Variants in EEA1 observed in about 807,000 individuals in gnomAD.
The protein encoded by EEA1 is early endosome antigen 1, also known as early endosome antigen 1, 162kD.
Under a neutral mutation model 209.2 loss-of-function variants are expected in EEA1, and 111 were observed. The ratio of observed to expected loss-of-function variants is 0.53; its 90% CI spans 0.45 to 0.62. EEA1 has a LOEUF of 0.62. Among genes scored for constraint, EEA1 ranks in the 20% least tolerant of loss-of-function variants. The pLI is 0.00. For synonymous variants in EEA1, 536 were observed against 540.6 expected, an observed-to-expected ratio of 0.99 and a Z score of 0.12; for missense variants, 1,343 against 1,530.8, an observed-to-expected ratio of 0.88 and a Z score of 2.05.
rs146628203 is a variant in EEA1, at chr12:92,811,420, A to G, written c.2058T>C (p.Ile686=). Residue 686 remains isoleucine, a synonymous_variant, in exon 17 of 29, where the codon ATT becomes ATC. Coordinates refer to ENST00000322349, the MANE Select transcript of EEA1 (RefSeq NM_003566.4). ...LQDKQQELNK[I]TTQLDQVTAK... ...CAGTGACCTGATCCAACTGAGTAGT[A>G]ATCTTATTTAACTCCTTTAGAAAAG... 2.7e-5 allele frequency: 42 copies of G among 1,568,434 alleles called. No individual in the cohort carries two copies. In the African/African-American group the frequency reaches 5.2e-4, roughly 20 times the overall value.
chr12:92,893,161 T>G (rs1200207704), intron 1 of EEA1, among the ~76,000 whole-genome samples: 1 of 152,258 alleles, frequency 6.6e-6, no homozygotes, highest in Non-Finnish European at 1.5e-5. Flanking sequence ...ATCTAGGTGT[T>G]ACTTTTATAT....
At chr12:92,822,923 C>T (rs1173969762) in intron 13 of EEA1, among the ~76,000 whole-genome samples, 1 of 152,164 alleles carries the variant, frequency 6.6e-6, no homozygotes, top group Non-Finnish European at 1.5e-5. Context: ...CAGCTGATGA[C>T]ACCTCCACTT....
chr12:92,929,232 A>T lies in EEA1; in HGVS notation c.-166T>A. 2 of 446,616 alleles carry T rather than the reference A, an allele frequency of 4.5e-6. No homozygotes were observed. Among genetic ancestry groups the T allele is most frequent in the East Asian group, 5.2e-5 (1 of 19,410 alleles). The allele number at this position is 446,616 out of a possible 1,614,324, so 27.7% of individuals were successfully genotyped here. ...GCTCGGGCGGCCCCGACTTCCCCAC[A>T]GGCGGCGAGAGGGAGCACGCGAGAG... On this transcript the variant is annotated 5_prime_UTR_variant, in exon 1 of 29. Coordinates refer to ENST00000322349, the MANE Select transcript of EEA1 (RefSeq NM_003566.4).
chr12:92,918,452 C>T (rs1205145017), intron 1 of EEA1, among the ~76,000 whole-genome samples: 113 of 114,320 alleles, frequency 9.9e-4, no homozygotes, highest in African/African-American at 3.7e-3. Flanking sequence ...CACTCAAAGC[C>T]GCTCAACTAC....
chr12:92,817,263 G>A (rs1458606812), intron 14 of EEA1, among the ~76,000 whole-genome samples: 1 of 145,714 alleles, frequency 6.9e-6, no homozygotes, highest in Non-Finnish European at 1.5e-5. Flanking sequence ...TACGTTCACT[G>A]ATATTGCTTT....
chr12:92,927,112 C>T (rs1347377394), intron 1 of EEA1, among the ~76,000 whole-genome samples: 1 of 152,120 alleles, frequency 6.6e-6, no homozygotes, highest in Admixed American at 6.5e-5. Context: ...GCATTTAACA[C>T]AGTGATTCTC....
chr12:92,899,114 ATC>A (rs1258958151), intron 1 of EEA1, among the ~76,000 whole-genome samples: 2 of 121,504 alleles, frequency 1.6e-5, no homozygotes, highest in African/African-American at 6.5e-5. Context: ...TGCAAAATGA[ATC>A]TCTGGCCAAA....
At chr12:92,785,492 G>A (rs1293893445) in intron 22 of EEA1, among the ~76,000 whole-genome samples, 1 of 152,036 alleles carries the variant, frequency 6.6e-6, no homozygotes, top group African/African-American at 2.4e-5. Context: ...AATAATAACT[G>A]ATAGCCATCT....
At position 92,775,548 on chromosome 12, in the gene EEA1, A is replaced by G. The variant is rs1034350854; in HGVS notation, c.*463T>C. 6.6e-6 allele frequency: 1 copy of G among 152,338 alleles called. No homozygotes were observed. The highest frequency in any genetic ancestry group is 1.5e-5 in the Non-Finnish European group (1 of 67,830). 9.4% of individuals were successfully genotyped at this position (152,338 alleles called of 1,614,324 possible). A position where few individuals can be genotyped will look rare whatever the true frequency, so the allele number is the denominator to read the frequency against. ...GGAAAGTGTTACAGTTCTGTGCATA[A>G]CTTCACAAAGAGAATATTTAATATA... On this transcript the variant is annotated 3_prime_UTR_variant, in exon 29 of 29. Transcript: ENST00000322349.
intron 1 of EEA1, among the ~76,000 whole-genome samples, chr12:92,892,292 A>G (rs187860283): frequency 8.4e-4 from 128 of 152,186 alleles, no homozygotes; most frequent in African/African-American, 2.8e-3. Context: ...AAGTTTCACC[A>G]TGTTGCCCAA....
Position 92,801,606 on chromosome 12 carries a change from C to T in EEA1, c.2766G>A (p.Glu922=). ...TACAAAAAAAAAATCTTACCTCCTT[C>T]TCTTTTTCAAGTGACTTTTTCAGTT... is the stretch of plus-strand genomic sequence containing the variant. The part of the protein sequence containing the change: ...QKELKKSLEK[E]KEASHQLKLE... Residue 922 remains glutamate (E), a synonymous_variant, in exon 20 of 29, where the codon GAG becomes GAA. Transcript: ENST00000322349. The T allele has an allele frequency of 1.0e-5, 16 of 1,580,846 alleles. No homozygotes were observed. The highest frequency in any genetic ancestry group is 1.4e-5 in the Non-Finnish European group (16 of 1,168,138).
intron 2 of EEA1, 107 bp downstream of exon 2, chr12:92,891,522 G>A: frequency 2.3e-6 from 2 of 854,168 alleles, no homozygotes; most frequent in Non-Finnish European, 1.8e-6. Context: ...ACTTTTACAA[G>A]AAAAACTTGT....
chr12:92,859,115 G>C (rs10859385), intron 3 of EEA1: 413,119 of 1,055,436 alleles, frequency 0.39, 91,789 homozygotes, highest in East Asian at 0.92. Flanking sequence ...AAGAGTGAGA[G>C]GGAGCTACTA....
At chr12:92,826,675 A>T in intron 12 of EEA1, among the ~76,000 whole-genome samples, 1 of 149,986 alleles carries the variant, frequency 6.7e-6, no homozygotes, top group Middle Eastern at 3.5e-3. Flanking sequence ...AGATTGCGCC[A>T]CTGCACTCCA....
At chr12:92,903,081 C>A (rs539912388) in intron 1 of EEA1, among the ~76,000 whole-genome samples, 48 of 151,404 alleles carry the variant, frequency 3.2e-4, no homozygotes, top group African/African-American at 1.2e-3. Context: ...GTTACAGGCA[C>A]CCGCCACCAC....
intron 3 of EEA1, 152 bp downstream of exon 3, chr12:92,864,708 A>G (rs1399457419): frequency 8.9e-6 from 6 of 671,162 alleles, no homozygotes; most frequent in Non-Finnish European, 1.3e-5. Context: ...ATAGTTTTTA[A>G]CAATAGTGGA....
intron 2 of EEA1, among the ~76,000 whole-genome samples, chr12:92,886,391 G>A (rs1347113422): frequency 9.9e-6 from 1 of 101,266 alleles, no homozygotes; most frequent in African/African-American, 4.0e-5. Context: ...GCGAGGAGAG[G>A]GGAGGGGAGG....
At chr12:92,869,752 C>CAAAAAAAAAAAA (rs71069185) in intron 2 of EEA1, among the ~76,000 whole-genome samples, 2 of 26,792 alleles carry the variant, frequency 7.5e-5, no homozygotes, top group Non-Finnish European at 1.4e-4. Context: ...GATTCTGCCT[C>CAAAAAAAAAAAA]AAAAAAAAAA....
rs182298201 is a variant in EEA1, at chr12:92,855,823, A to C, written c.366+1452T>G. Among the ~76,000 whole-genome samples, 29 of 152,354 alleles carry C rather than the reference A, an allele frequency of 1.9e-4. 1 individual carries two copies. The East Asian group carries it at 5.0e-3, about 26-fold the overall frequency. On this transcript the variant is annotated intron_variant, in intron 5 of 28. Coordinates refer to ENST00000322349, the MANE Select transcript of EEA1 (RefSeq NM_003566.4). The stretch of plus-strand genomic sequence containing the variant: ...GTTATTTAAGTGTATTAAATGTGAA[A>C]TAGTCATCTCAAATGCAGTAAACAA...
Sources: allele counts gnomAD v4.1 joint callset (sites outside exome capture counted in the v4.1 genomes callset), GRCh38; gene constraint gnomAD v4.1.1; transcripts MANE v1.5; gene names NCBI Gene and HGNC (gene_info 2026-07-23, HGNC 2026-07-21).